Variants in KCNU1 observed in about 807,000 individuals in gnomAD.
KCNU1 encodes potassium channel subfamily U member 1.
A neutral mutation model predicts 126.8 loss-of-function variants in KCNU1; 93 were observed. The observed-to-expected ratio is 0.73, with a 90% CI of 0.62 to 0.87. The LOEUF (loss-of-function observed/expected upper bound fraction) is 0.87, where lower values mean the gene tolerates loss of function less well. KCNU1 is among the 40% of genes least tolerant of loss of function. KCNU1 has a pLI of 0.00. For synonymous variants in KCNU1, 523 were observed against 494.2 expected (o/e 1.06, Z -0.77); for missense variants, 1,330 against 1,367.1 (o/e 0.97, Z 0.43).
At chr8:36,865,773 C>CA (rs538090899) in intron 19 of KCNU1, among the ~76,000 whole-genome samples, 2,026 of 61,304 alleles carry the variant, frequency 0.033, 145 homozygotes, top group Middle Eastern at 0.042. Flanking sequence ...AAGAGCTTGT[C>CA]AAAAAAAAAA....
intron 19 of KCNU1, among the ~76,000 whole-genome samples, chr8:36,869,183 G>C (rs549270824): frequency 6.6e-6 from 1 of 152,224 alleles, no homozygotes; most frequent in East Asian, 1.9e-4. Context: ...AAGTAGGTGC[G>C]AATAATCTCA....
chr8:36,808,716 A>G lies in KCNU1; in HGVS notation c.657-2A>G. 1 of 1,597,926 alleles carries G rather than the reference A, an allele frequency of 6.3e-7. No individual in the cohort carries two copies. The highest frequency in any genetic ancestry group is 8.6e-7 in the Non-Finnish European group (1 of 1,167,436). The stretch of plus-strand genomic sequence containing the variant: ...AACAGCTCTTTGTCTCTCTTCCTCT[A>G]GTAACTCAGTGAAGTTTTCCAAACT... On this transcript the variant is annotated splice_acceptor_variant, in intron 6 of 26. Coordinates refer to ENST00000399881, the MANE Select transcript of KCNU1 (RefSeq NM_001031836.3). LOFTEE classifies it high-confidence loss of function.
In KCNU1 at chr8:36,867,198, G is replaced by A. The variant is rs573765653; in HGVS notation, c.2009+2677G>A. ...AAGTGCTACATTGATGGTTCTGGCA[G>A]AAGGTAGGGGAAGACGAGGTCAATG... On this transcript the variant is annotated intron_variant, in intron 19 of 26. Transcript: ENST00000399881. Among the ~76,000 whole-genome samples the A allele has an allele frequency of 1.4e-4, 22 of 152,286 alleles. No homozygotes were observed. The South Asian group carries it at 4.3e-3, about 30-fold the overall frequency.
intron 1 of KCNU1, among the ~76,000 whole-genome samples, chr8:36,785,140 G>C (rs1316333914): frequency 1.3e-5 from 2 of 152,190 alleles, no homozygotes; most frequent in Non-Finnish European, 2.9e-5. Flanking sequence ...ATAGATGCAA[G>C]GACATTTCTT....
At position 36,909,545 on chromosome 8, in the gene KCNU1, A is replaced by C. The variant is rs777960400; in HGVS notation, c.2331+10A>C. 25 of 1,436,486 alleles carry C rather than the reference A, an allele frequency of 1.7e-5. No homozygotes were observed. In the East Asian group the frequency reaches 5.7e-4, roughly 33 times the overall value. The allele number at this position is 1,436,486 out of a possible 1,614,324, so 89.0% of individuals were successfully genotyped here. A position where few individuals can be genotyped will look rare whatever the true frequency, so the allele number is the denominator to read the frequency against. ...GATATACATTCTGCCTGTAAGTATC[A>C]TATAAGGAAAAGTTAATATTTATAA... On this transcript the variant is annotated intron_variant, in intron 21 of 26. Coordinates refer to ENST00000399881, the MANE Select transcript of KCNU1 (RefSeq NM_001031836.3).
In KCNU1 at chr8:36,847,689, G is replaced by A. The variant is rs149287936; in HGVS notation, c.1891+1790G>A. Among the ~76,000 whole-genome samples the A allele has an allele frequency of 4.5e-3, 688 of 152,218 alleles. 7 individuals carry two copies. Among genetic ancestry groups the A allele is most frequent in the African/African-American group, 0.016 (646 of 41,518 alleles). ...CTGCATAGTATTTCATTGTTTATAC[G>A]TATCACATTTTCTTCATCTATTTAT... On this transcript the variant is annotated intron_variant, in intron 18 of 26. Coordinates refer to ENST00000399881, the MANE Select transcript of KCNU1 (RefSeq NM_001031836.3).
rs1309583698 is a variant in KCNU1 at position 36,931,053 on chromosome 8, G to T, written c.2839G>T (p.Val947Leu). 2 of 1,611,908 alleles carry T rather than the reference G, an allele frequency of 1.2e-6. No homozygotes were observed. Among genetic ancestry groups the T allele is most frequent in the South Asian group, 2.2e-5 (2 of 90,658 alleles). Residue 947 changes from valine (V) to leucine (L), a missense_variant, in exon 25 of 27, where the codon GTG (valine) becomes TTG (leucine). By Grantham distance (32) the Val-to-Leu change is conservative (BLOSUM62 1). This residue lies in a region of KCNU1 where 1,054 missense variants were observed against 1,053.9 expected (regional missense o/e 1.00). Transcript: ENST00000399881. ...TTTAGATAAGGATAAAGTCTATGGT[G>T]TGGCAGATAGCTGCACGTCGCTCTT... is the stretch of plus-strand genomic sequence containing the variant. ...QHLDKDKVYG[V>L]ADSCTSLLSG...
At chr8:36,791,223 C>A (rs529549824) in intron 2 of KCNU1, among the ~76,000 whole-genome samples, 79 of 152,178 alleles carry the variant, frequency 5.2e-4, no homozygotes, top group Admixed American at 2.2e-3. Context: ...ATATCAACTA[C>A]CTGCGGAAAA....
chr8:36,924,344 C>A (rs2117594799), intron 24 of KCNU1, among the ~76,000 whole-genome samples: 1 of 152,268 alleles, frequency 6.6e-6, no homozygotes, highest in Non-Finnish European at 1.5e-5. Flanking sequence ...AGGCATCATG[C>A]CTGAATTTCA....
At chr8:36,808,908 T>G in intron 7 of KCNU1, 115 bp downstream of exon 7, 1 of 678,876 alleles carries the variant, frequency 1.5e-6, no homozygotes, top group South Asian at 1.8e-5. Context: ...CAGTTGGAGG[T>G]GTGTCTTTCT....
chr8:36,808,682 G>A, intron 6 of KCNU1, 36 bp from the exon 7 acceptor site: 2 of 1,350,036 alleles, frequency 1.5e-6, no homozygotes, highest in Non-Finnish European at 2.1e-6. Context: ...TCTGGAATCT[G>A]TTAGACCCAA....
intron 19 of KCNU1, among the ~76,000 whole-genome samples, chr8:36,885,579 A>C (rs1424800283): frequency 6.6e-6 from 1 of 151,874 alleles, no homozygotes; most frequent in Non-Finnish European, 1.5e-5. Context: ...AAAAAACTGA[A>C]GTCAGGAGTT....
chr8:36,802,956 C>T (rs1433256794), intron 2 of KCNU1, among the ~76,000 whole-genome samples: 2 of 152,132 alleles, frequency 1.3e-5, no homozygotes, highest in African/African-American at 4.8e-5. Context: ...CAGTTGGAAT[C>T]TCCAAAGAAC....
At chr8:36,917,537 G>A (rs1289631860) in intron 22 of KCNU1, among the ~76,000 whole-genome samples, 1 of 147,506 alleles carries the variant, frequency 6.8e-6, no homozygotes, top group South Asian at 2.2e-4. Context: ...TTTAATTTTT[G>A]TAGAGAACAG....
At chr8:36,925,956 C>A (rs1029661525) in intron 24 of KCNU1, among the ~76,000 whole-genome samples, 2 of 152,136 alleles carry the variant, frequency 1.3e-5, no homozygotes, top group Non-Finnish European at 2.9e-5. Context: ...CCAAGGCAGA[C>A]ATTGCTGATG....
intron 22 of KCNU1, among the ~76,000 whole-genome samples, chr8:36,916,542 A>C (rs1296984034): frequency 2.0e-5 from 3 of 152,204 alleles, no homozygotes; most frequent in Non-Finnish European, 4.4e-5. Context: ...TGAGAATAAA[A>C]TAGAACTTTA....
At chr8:36,874,673 G>A (rs1484454268) in intron 19 of KCNU1, among the ~76,000 whole-genome samples, 1 of 151,978 alleles carries the variant, frequency 6.6e-6, no homozygotes, top group Non-Finnish European at 1.5e-5. Flanking sequence ...AAATATAAAG[G>A]CTGTTTACCC....
intron 19 of KCNU1, among the ~76,000 whole-genome samples, chr8:36,894,844 C>T (rs1237407481): frequency 4.6e-5 from 7 of 152,118 alleles, no homozygotes; most frequent in Non-Finnish European, 8.8e-5. Context: ...TTACAAAGTT[C>T]GTAAAATGTA....
intron 14 of KCNU1, 23 bp downstream of exon 14, chr8:36,836,968 AT>A: frequency 6.2e-7 from 1 of 1,612,616 alleles, no homozygotes; most frequent in Non-Finnish European, 8.5e-7. Flanking sequence ...ATTACTGTTG[AT>A]TCTTGGCTCT....
Sources: gnomAD v4.1 joint callset for allele counts (sites outside exome capture counted in the v4.1 genomes callset) on GRCh38, gnomAD v4.1.1 for gene constraint, gnomAD v4.1.1 regional missense constraint, MANE v1.5 for transcripts, NCBI Gene and HGNC (gene_info 2026-07-23, HGNC 2026-07-21) for gene names.